Variants in WDFY4 observed in about 807,000 individuals in gnomAD.
WDFY4 encodes WD repeat- and FYVE domain-containing protein 4.
In WDFY4, 169 loss-of-function variants were observed where a neutral mutation model predicts 351.9. That is an observed-to-expected ratio of 0.48 (90% CI 0.42 to 0.55). The LOEUF (loss-of-function observed/expected upper bound fraction) is 0.55, where lower values mean the gene tolerates loss of function less well. Among genes scored for constraint, WDFY4 ranks in the 20% least tolerant of loss-of-function variants. The pLI is 0.00. For missense variants in WDFY4, 3,803 were observed against 3,935.6 expected (o/e 0.97, Z 0.90); for synonymous variants, 1,622 against 1,574.6 (o/e 1.03, Z -0.71).
chr10:48,885,401 T>C (rs2133344711), intron 43 of WDFY4, among the ~76,000 whole-genome samples: 1 of 152,356 alleles, frequency 6.6e-6, no homozygotes, highest in African/African-American at 2.4e-5. Flanking sequence ...CAGGTTATGG[T>C]GAGCATTGTG....
intron 24 of WDFY4, among the ~76,000 whole-genome samples, chr10:48,801,134 C>G (rs2067075832): frequency 6.6e-6 from 1 of 152,206 alleles, no homozygotes; most frequent in African/African-American, 2.4e-5. Flanking sequence ...AGTCCATACT[C>G]AAACAAATCT....
intron 12 of WDFY4, among the ~76,000 whole-genome samples, chr10:48,749,992 CA>C (rs1389775128): frequency 6.6e-6 from 1 of 152,188 alleles, no homozygotes; most frequent in East Asian, 1.9e-4. Flanking sequence ...GACATCATTT[CA>C]ACAGGAATGC....
At chr10:48,948,549 C>T (rs138493541) in intron 51 of WDFY4, among the ~76,000 whole-genome samples, 1 of 152,310 alleles carries the variant, frequency 6.6e-6, no homozygotes, top group East Asian at 1.9e-4. Flanking sequence ...GATCTTTTCA[C>T]ATCGGGAGGA....
chr10:48,828,923 T>TGTGTGGGGGGGGGG (rs763409844), intron 37 of WDFY4, 27 bp downstream of exon 37: 1 of 4,978 alleles, frequency 2.0e-4, no homozygotes, highest in African/African-American at 1.5e-3. Flanking sequence ...ATTGTGTGTG[T>TGTGTGGGGGGGGGG]GGGCGGGGGG....
intron 1 of WDFY4, among the ~76,000 whole-genome samples, chr10:48,691,357 C>T (rs1030554447): frequency 2.0e-5 from 3 of 152,100 alleles, no homozygotes; most frequent in Admixed American, 1.3e-4. Context: ...GCTGGGTCCC[C>T]GAAGTGGGCA....
At chr10:48,735,256 A>G (rs1237709794) in intron 10 of WDFY4, among the ~76,000 whole-genome samples, 1 of 152,206 alleles carries the variant, frequency 6.6e-6, no homozygotes, top group Non-Finnish European at 1.5e-5. Context: ...AATCCTGGGG[A>G]AAAAATGCTT....
At chr10:48,980,117 G>A (rs1219906793) in intron 60 of WDFY4, 1 of 152,136 alleles carries the variant, frequency 6.6e-6, no homozygotes, top group Non-Finnish European at 1.5e-5. Context: ...CACCCCATTG[G>A]ACTGACTGCC....
intron 2 of WDFY4, among the ~76,000 whole-genome samples, chr10:48,710,704 G>T (rs1435131562): frequency 1.3e-5 from 2 of 152,222 alleles, no homozygotes; most frequent in Non-Finnish European, 2.9e-5. Flanking sequence ...AGAATATCTT[G>T]CATCAAATTG....
At chr10:48,772,703 C>T (rs1411751142) in intron 13 of WDFY4, among the ~76,000 whole-genome samples, 2 of 148,042 alleles carry the variant, frequency 1.4e-5, no homozygotes, top group African/African-American at 5.1e-5. Flanking sequence ...CCCTTACCCC[C>T]ACCCCACCAC....
At position 48,820,240 on chromosome 10, in the gene WDFY4, G is replaced by C. The variant is rs780845099; in HGVS notation, c.5512G>C (p.Gly1838Arg). ...GGGTTCTCTTGTCTTTGAGGGGGTT[G>C]GGGCTGAGTCCACCCGGAACACCAG... ...AFPLGAQKGVGAESTRNTSSP... is the reference protein window; with the variant it reads ...AFPLGAQKGVRAESTRNTSSP... The change falls in exon 33 of 62, where the codon GGG (glycine) becomes CGG (arginine). Residue 1838 changes from glycine (G) to arginine (R), a missense_variant. Gly to Arg is a moderately radical substitution (Grantham distance 125, BLOSUM62 -2). Around this residue, in one of 3 missense-constraint regions of WDFY4, gnomAD observed 3,054 missense variants for 3,148.6 expected, o/e 0.97. Coordinates refer to ENST00000325239, the MANE Select transcript of WDFY4 (RefSeq NM_001394531.1). 5.2e-6 allele frequency: 8 copies of C among 1,551,660 alleles called. No homozygotes were observed. The highest frequency in any genetic ancestry group is 7.0e-6 in the Non-Finnish European group (8 of 1,146,988).
chr10:48,765,675 C>T (rs149254708), intron 13 of WDFY4, among the ~76,000 whole-genome samples: 145 of 152,288 alleles, frequency 9.5e-4, no homozygotes, highest in African/African-American at 3.3e-3. Flanking sequence ...AGTGAGTGTA[C>T]GTGCCTGACC....
chr10:48,982,747 G>T lies in WDFY4; in HGVS notation c.*172G>T. 1.5e-6 allele frequency: 1 copy of T among 657,888 alleles called. No homozygotes were observed. The highest frequency in any genetic ancestry group is 1.5e-5 in the South Asian group (1 of 66,418). The allele number at this position is 657,888 out of a possible 1,614,324, so 40.8% of individuals were successfully genotyped here. A position where few individuals can be genotyped will look rare whatever the true frequency, so the allele number is the denominator to read the frequency against. ...CTGCAGCCCAACCCTCTCCATGGCC[G>T]ATGGGACTTCTATGAAAAGGATGAG... On this transcript the variant is annotated 3_prime_UTR_variant, in exon 62 of 62. Coordinates refer to ENST00000325239, the MANE Select transcript of WDFY4 (RefSeq NM_001394531.1).
rs761857774 is a variant in WDFY4, at chr10:48,886,415, G to A, written c.7168-4164G>A. Among the ~76,000 whole-genome samples the A allele has an allele frequency of 4.5e-4, 69 of 152,174 alleles. 1 individual carries two copies. The highest frequency in any genetic ancestry group is 3.3e-4 in the Admixed American group (5 of 15,276). Reference sequence around the variant, plus strand: ...TGCCATTGTAACAGTATTAAGAGATGGGGTCTTTAAGAAGTGATTAGGCCA... The same window carrying A: ...TGCCATTGTAACAGTATTAAGAGATAGGGTCTTTAAGAAGTGATTAGGCCA... On this transcript the variant is annotated intron_variant, in intron 43 of 61. Transcript: ENST00000325239.
intron 46 of WDFY4, among the ~76,000 whole-genome samples, chr10:48,901,509 T>C (rs1012356232): frequency 6.6e-6 from 1 of 152,250 alleles, no homozygotes; most frequent in African/African-American, 2.4e-5. Context: ...TTGTTGACAT[T>C]GGCAATGTTG....
chr10:48,902,241 C>T (rs139755682), intron 47 of WDFY4, among the ~76,000 whole-genome samples: 43 of 152,342 alleles, frequency 2.8e-4, no homozygotes, highest in South Asian at 1.0e-3. Context: ...GGTTTCTGAA[C>T]GCTTAGAAGC....
At chr10:48,785,286 C>T (rs541247696) in intron 19 of WDFY4, among the ~76,000 whole-genome samples, 2 of 152,096 alleles carry the variant, frequency 1.3e-5, no homozygotes, top group South Asian at 4.1e-4. Flanking sequence ...TGCGATAATT[C>T]CTCCTAGTCT....
intron 39 of WDFY4, among the ~76,000 whole-genome samples, chr10:48,841,105 G>A (rs565492058): frequency 6.6e-6 from 1 of 152,304 alleles, no homozygotes; most frequent in Non-Finnish European, 1.5e-5. Context: ...TTTTGAATCA[G>A]ATATTCATTT....
intron 40 of WDFY4, among the ~76,000 whole-genome samples, chr10:48,867,933 T>G (rs1348630449): frequency 6.6e-6 from 1 of 152,226 alleles, no homozygotes; most frequent in Admixed American, 6.5e-5. Context: ...GAGATTATGA[T>G]ACTCCTGTGT....
In WDFY4 at chr10:48,943,598, C is replaced by CTTTT. The variant is rs373976945; in HGVS notation, c.7749+158_7749+161dup. On this transcript the variant is annotated intron_variant, in intron 49 of 61. Coordinates refer to ENST00000325239, the MANE Select transcript of WDFY4 (RefSeq NM_001394531.1). ...CTAAAGGCTGCTGAAGCTCAGATCT[C>CTTTT]TTTTTTTTTTTTGAGATGGAGTCTT... 2,930 of 646,298 alleles carry CTTTT rather than the reference C, an allele frequency of 4.5e-3. 57 individuals are homozygous for CTTTT. In the African/African-American group the frequency reaches 0.051, roughly 11 times the overall value. The allele number at this position is 646,298 out of a possible 1,614,324, so 40.0% of individuals were successfully genotyped here.
Sources: allele counts gnomAD v4.1 joint callset (sites outside exome capture counted in the v4.1 genomes callset), GRCh38; gene constraint gnomAD v4.1.1; regional missense constraint gnomAD v4.1.1; transcripts MANE v1.5; gene names NCBI Gene and HGNC (gene_info 2026-07-23, HGNC 2026-07-21).